Variants in ZFHX3 observed in about 807,000 individuals in gnomAD.
ZFHX3 encodes zinc finger homeobox 3.
A neutral mutation model predicts 279.1 loss-of-function variants in ZFHX3; 42 were observed. The observed-to-expected ratio is 0.15, with a 90% CI of 0.12 to 0.19. The LOEUF is 0.19. Ranked by LOEUF, ZFHX3 falls within the 10% of genes least tolerant of loss-of-function variation. ZFHX3 has a pLI of 1.00. For synonymous variants in ZFHX3, 2,293 were observed against 1,957.8 expected, an observed-to-expected ratio of 1.17 and a Z score of -4.52; for missense variants, 4,981 against 4,754.0, an observed-to-expected ratio of 1.05 and a Z score of -1.40.
At chr16:73,541,568 T>G (rs149560772) in intron 2 of ZFHX3, among the ~76,000 whole-genome samples, 1 of 152,104 alleles carries the variant, frequency 6.6e-6, no homozygotes, top group East Asian at 1.9e-4. Flanking sequence ...TTCTATTTAT[T>G]TGGCAGATGA....
In ZFHX3 at chr16:72,811,757, G is replaced by A. The variant is rs760028988; in HGVS notation, c.3684C>T (p.Cys1228=). 1.1e-5 allele frequency: 17 copies of A among 1,613,780 alleles called. No individual in the cohort carries two copies. Among genetic ancestry groups the A allele is most frequent in the Non-Finnish European group, 1.4e-5 (17 of 1,179,924 alleles). The change falls in exon 7 of 10, where the codon TGC becomes TGT. Residue 1228 remains cysteine, a synonymous_variant. Transcript: ENST00000268489. ...KPEQMYQCPY[C]KYSNADVNRL... The stretch of plus-strand genomic sequence containing the variant: ...GGTTGACATCGGCATTACTGTACTT[G>A]CAGTAGGGACACTGGTACATCTGTG...
At chr16:73,878,172 G>T (rs1044733010) in intron 1 of ZFHX3, among the ~76,000 whole-genome samples, 1 of 151,922 alleles carries the variant, frequency 6.6e-6, no homozygotes, top group Non-Finnish European at 1.5e-5. Flanking sequence ...GACAACTCTT[G>T]CTGGTTCAAT....
chr16:73,689,320 A>G (rs1056433791), intron 1 of ZFHX3, among the ~76,000 whole-genome samples: 1 of 152,216 alleles, frequency 6.6e-6, no homozygotes, highest in African/African-American at 2.4e-5. Context: ...TTCTAAATTC[A>G]TCCAAGACAT....
At chr16:72,960,229 A>G (rs920109282) in intron 1 of ZFHX3, 35 bp from the exon 2 acceptor site, 159 of 1,459,470 alleles carry the variant, frequency 1.1e-4, no homozygotes, top group Non-Finnish European at 1.3e-4. Context: ...GGAGGGAGAG[A>G]GGGGAAAGAG....
At chr16:72,926,235 G>T (rs1412306930) in intron 3 of ZFHX3, among the ~76,000 whole-genome samples, 1 of 152,130 alleles carries the variant, frequency 6.6e-6, no homozygotes, top group Non-Finnish European at 1.5e-5. Context: ...CTAGATGCTA[G>T]AATATAATTG....
chr16:72,938,828 A>C (rs1960262577), intron 3 of ZFHX3, among the ~76,000 whole-genome samples: 1 of 152,220 alleles, frequency 6.6e-6, no homozygotes, highest in African/African-American at 2.4e-5. Flanking sequence ...TGACAGCTGC[A>C]GCCATCACTA....
At position 72,793,112 on chromosome 16, in the gene ZFHX3, C is replaced by T; in HGVS notation, c.9427+143G>A. 7.0e-7 allele frequency: 1 copy of T among 1,434,380 alleles called. No individual in the cohort carries two copies. The highest frequency in any genetic ancestry group is 9.3e-7 in the Non-Finnish European group (1 of 1,074,632). 88.9% of individuals were successfully genotyped at this position (1,434,380 alleles called of 1,614,324 possible). On this transcript the variant is annotated intron_variant, in intron 9 of 9. Coordinates refer to ENST00000268489, the MANE Select transcript of ZFHX3 (RefSeq NM_006885.4). This position sits in a 1 kb window ranked among gnomAD's most constrained non-coding sequence, Gnocchi z 4.3. ...ACTTGGGAGACTCAACAGGAACGAA[C>T]TGAAGTCTTGTTGCTTTTAAAGAAC...
chr16:73,819,142 G>A (rs773976768), intron 1 of ZFHX3, among the ~76,000 whole-genome samples: 1 of 152,002 alleles, frequency 6.6e-6, no homozygotes, highest in Non-Finnish European at 1.5e-5. Context: ...GCATAGCAAT[G>A]TCTGAGATTC....
rs530971374 is a variant in ZFHX3 at position 72,793,218 on chromosome 16, A to G, written c.9427+37T>C. 4.3e-5 allele frequency: 67 copies of G among 1,565,684 alleles called. No individual in the cohort carries two copies. In the South Asian group the frequency reaches 7.1e-4, roughly 17 times the overall value. ...ATAACAGAATGCTGACTGGGCAGCT[A>G]TTTAGCCCTGAAACAATCGCCTAGA... On this transcript the variant is annotated intron_variant, in intron 9 of 9. Coordinates refer to ENST00000268489, the MANE Select transcript of ZFHX3 (RefSeq NM_006885.4). This position sits in a 1 kb window ranked among gnomAD's most constrained non-coding sequence, Gnocchi z 4.3.
At chr16:72,859,463 C>A (rs1306872821) in intron 4 of ZFHX3, among the ~76,000 whole-genome samples, 5 of 152,210 alleles carry the variant, frequency 3.3e-5, no homozygotes, top group African/African-American at 4.8e-5. Context: ...CCCAACTCCT[C>A]TTTTACAGCC....
chr16:73,430,841 A>G (rs1420315673), intron 3 of ZFHX3, among the ~76,000 whole-genome samples: 1 of 152,226 alleles, frequency 6.6e-6, no homozygotes, highest in Admixed American at 6.5e-5. Context: ...TGACCCACTT[A>G]GCCCAAAAAG....
chr16:73,242,172 C>A (rs1186189268), intron 5 of ZFHX3, among the ~76,000 whole-genome samples: 1 of 152,174 alleles, frequency 6.6e-6, no homozygotes, highest in Non-Finnish European at 1.5e-5. Flanking sequence ...AACTTCCTTA[C>A]TTTATAGAGG....
At position 73,036,707 on chromosome 16, in the gene ZFHX3, T is replaced by TC. The variant is rs544997972; in HGVS notation, c.-50+11044dup. 4.6e-3 allele frequency among the ~76,000 whole-genome samples: 699 copies of TC among 152,094 alleles called. 5 individuals are homozygous for TC. Among genetic ancestry groups the TC allele is most frequent in the Admixed American group, 8.6e-3 (132 of 15,264 alleles). On this transcript the variant is annotated intron_variant, in intron 1 of 9. Transcript: ENST00000268489. ...CCTCCCGGCGCTTTGATCCCCTCGG[T>TC]CGGTCGCTAGGAGAAACCAACTTTT...
At chr16:73,566,978 C>T (rs915217458) in intron 2 of ZFHX3, among the ~76,000 whole-genome samples, 1 of 152,136 alleles carries the variant, frequency 6.6e-6, no homozygotes, top group African/African-American at 2.4e-5. Context: ...GGATTACAGG[C>T]ACGAGCCACT....
chr16:73,141,436 C>T (rs923832998), intron 6 of ZFHX3, among the ~76,000 whole-genome samples: 3 of 150,918 alleles, frequency 2.0e-5, no homozygotes, highest in Non-Finnish European at 4.4e-5. Flanking sequence ...TTTGCTCTGT[C>T]ACCCAGGCTG....
At chr16:73,405,102 TC>T (rs1291165809) in intron 3 of ZFHX3, among the ~76,000 whole-genome samples, 1 of 152,116 alleles carries the variant, frequency 6.6e-6, no homozygotes, top group African/African-American at 2.4e-5. Context: ...TCTAGATAAC[TC>T]AGGAAGGAAA....
intron 2 of ZFHX3, among the ~76,000 whole-genome samples, chr16:72,953,916 G>A (rs767547214): frequency 1.2e-4 from 18 of 152,198 alleles, no homozygotes; most frequent in Non-Finnish European, 2.4e-4. Context: ...GCAGCAGAGT[G>A]CTGAAATGAG....
At chr16:73,719,001 A>G (rs2053446628) in intron 1 of ZFHX3, among the ~76,000 whole-genome samples, 1 of 152,134 alleles carries the variant, frequency 6.6e-6, no homozygotes, top group African/African-American at 2.4e-5. Context: ...GTTCCATTAA[A>G]CTTGTATTTC....
chr16:73,862,698 G>T (rs1235450004), intron 1 of ZFHX3, among the ~76,000 whole-genome samples: 2 of 151,884 alleles, frequency 1.3e-5, no homozygotes, highest in Non-Finnish European at 2.9e-5. Context: ...GATCACTTGA[G>T]CCCAGGAGGA....
Sources: allele counts gnomAD v4.1 joint callset (sites outside exome capture counted in the v4.1 genomes callset), GRCh38; gene constraint gnomAD v4.1.1; non-coding constraint Gnocchi (gnomAD v3.1); transcripts MANE v1.5; gene names NCBI Gene and HGNC (gene_info 2026-07-23, HGNC 2026-07-21).